DCBLD1: variants seen among roughly 807,000 people sequenced by gnomAD.
DCBLD1 encodes the protein discoidin, CUB and LCCL domain-containing protein 1.
Under a neutral mutation model 71.5 loss-of-function variants are expected in DCBLD1, and 57 were observed. That is an observed-to-expected ratio of 0.80 (90% confidence interval 0.64 to 0.99). The LOEUF is 0.99. Among genes scored for constraint, DCBLD1 ranks in the 50% least tolerant of loss-of-function variants. DCBLD1 has a pLI of 0.00. For missense variants in DCBLD1, 891 were observed against 923.5 expected, an observed-to-expected ratio of 0.96 and a Z score of 0.46; for synonymous variants, 380 against 363.8, an observed-to-expected ratio of 1.04 and a Z score of -0.51.
intron 14 of DCBLD1, among the ~76,000 whole-genome samples, chr6:117,556,842 C>T (rs190442800): frequency 5.9e-5 from 9 of 152,268 alleles, no homozygotes; most frequent in East Asian, 1.9e-4. Context: ...TTCCCACCAA[C>T]GGTGTAAGTG....
chr6:117,548,990 TCTC>T lies in DCBLD1; in HGVS notation c.*554_*556del, dbSNP rs1191253708. On this transcript the variant is annotated 3_prime_UTR_variant, in exon 15 of 15. Coordinates refer to ENST00000338728, the MANE Select transcript of DCBLD1 (RefSeq NM_001366458.2). ...GAACTGAAAGCATTTTTAACATTCT[TCTC>T]CTGGAAGAAATGAATTACTTGAAGC... The T allele has an allele frequency of 3.0e-6, 3 of 986,624 alleles. No individual in the cohort carries two copies. The highest frequency in any genetic ancestry group is 3.6e-6 in the Non-Finnish European group (3 of 830,804). 61.1% of individuals were successfully genotyped at this position (986,624 alleles called of 1,614,324 possible).
In DCBLD1 at chr6:117,521,067, T is replaced by C. The variant is rs377368933; in HGVS notation, c.461-458T>C. Among the ~76,000 whole-genome samples, 97 of 152,360 alleles carry C rather than the reference T, an allele frequency of 6.4e-4. 1 individual carries two copies. The highest frequency in any genetic ancestry group is 2.3e-3 in the African/African-American group (95 of 41,578). ...TCCTGGTTGATGAAAGCTTATATGC[T>C]GTAGGTTTTCTTGGTAAAGATGTGC... On this transcript the variant is annotated intron_variant, in intron 3 of 14. Transcript: ENST00000338728.
intron 2 of DCBLD1, 91 bp from the exon 3 acceptor site, chr6:117,519,725 A>G (rs532738120): frequency 4.9e-5 from 75 of 1,516,810 alleles, no homozygotes; most frequent in Non-Finnish European, 4.5e-6. Context: ...TTGTCTAGTA[A>G]ATTTGGCCTT....
intron 6 of DCBLD1, among the ~76,000 whole-genome samples, chr6:117,536,424 T>A (rs1778883177): frequency 6.6e-6 from 1 of 152,242 alleles, no homozygotes; most frequent in South Asian, 2.1e-4. Flanking sequence ...CAAAGGTAGA[T>A]AAGGACATTC....
chr6:117,511,190 C>T (rs118138580), intron 2 of DCBLD1, among the ~76,000 whole-genome samples: 2 of 152,188 alleles, frequency 1.3e-5, no homozygotes, highest in Middle Eastern at 3.4e-3. Flanking sequence ...AGTTCTTGTT[C>T]GTCACTTGCT....
chr6:117,544,373 T>A, intron 12 of DCBLD1, 155 bp from the exon 13 acceptor site: 1 of 547,746 alleles, frequency 1.8e-6, no homozygotes, highest in South Asian at 4.6e-5. Context: ...TCTACATATT[T>A]GTATGATTTT....
rs1271888312 is a variant in DCBLD1, at chr6:117,540,720, C to T, written c.1154C>T (p.Pro385Leu). ...FRDPVQNNFI[P>L]PIVARYVRVV... ...GACCCAGTGCAAAACAATTTCATCC[C>T]TCCCATCGTGGCCAGATATGTGCGG... Residue 385 changes from proline to leucine, a missense_variant, in exon 10 of 15, where the codon CCT becomes CTT. Physicochemically the swap from Pro to Leu is moderately conservative, Grantham distance 98. Coordinates refer to ENST00000338728, the MANE Select transcript of DCBLD1 (RefSeq NM_001366458.2). 1.2e-6 allele frequency: 2 copies of T among 1,614,088 alleles called. No individual in the cohort carries two copies. Among genetic ancestry groups the T allele is most frequent in the Non-Finnish European group, 1.7e-6 (2 of 1,180,048 alleles).
Position 117,538,470 on chromosome 6 carries a change from A to G in DCBLD1, c.761-150A>G, listed in dbSNP as rs1354920864. The G allele has an allele frequency of 5.7e-6, 4 of 704,010 alleles. No individual in the cohort carries two copies. In the African/African-American group the frequency reaches 7.2e-5, roughly 13 times the overall value. The allele number at this position is 704,010 out of a possible 1,614,324, so 43.6% of individuals were successfully genotyped here. On this transcript the variant is annotated intron_variant, in intron 7 of 14. Transcript: ENST00000338728. Reference sequence around the variant, plus strand: ...ACAAATGAGTGAAATGCAAGTCTGGACCGTTTAAAAGCTGGTAATTAAACA... The same window carrying G: ...ACAAATGAGTGAAATGCAAGTCTGGGCCGTTTAAAAGCTGGTAATTAAACA...
intron 6 of DCBLD1, among the ~76,000 whole-genome samples, chr6:117,533,137 T>G (rs9374667): frequency 6.6e-6 from 1 of 151,950 alleles, no homozygotes; most frequent in Non-Finnish European, 1.5e-5. Flanking sequence ...AAGTGCTCCT[T>G]GAGCCACTGT....
intron 9 of DCBLD1, chr6:117,540,465 T>A: frequency 1.8e-6 from 1 of 561,740 alleles, no homozygotes; most frequent in Admixed American, 3.1e-5. Context: ...TTTAAATCAG[T>A]AAACAGTTGA....
Position 117,548,131 on chromosome 6 carries a change from A to G in DCBLD1, c.1840A>G (p.Thr614Ala). The G allele has an allele frequency of 1.9e-6, 3 of 1,549,918 alleles. No individual in the cohort carries two copies. The South Asian group carries it at 3.6e-5, about 18-fold the overall frequency. Residue 614 changes from threonine (T) to alanine (A), a missense_variant, in exon 15 of 15, where the codon ACG (threonine) becomes GCG (alanine). Physicochemically the swap from Thr to Ala is moderately conservative, Grantham distance 58. Transcript: ENST00000338728. ...IVERHVLRAH[T>A]FSAQSGYRVP... ...GGAGCGGCACGTGCTGCGCGCCCAC[A>G]CGTTCTCTGCGCAGAGCGGCTACCG...
chr6:117,486,399 A>G (rs1280461801), intron 1 of DCBLD1, among the ~76,000 whole-genome samples: 1 of 152,370 alleles, frequency 6.6e-6, no homozygotes, highest in East Asian at 1.9e-4. Flanking sequence ...TATTAAAACA[A>G]ATCAATAAAT....
chr6:117,521,623 A>G (rs748345404), intron 4 of DCBLD1, 47 bp downstream of exon 4: 2 of 1,501,938 alleles, frequency 1.3e-6, no homozygotes, highest in African/African-American at 1.5e-5. Context: ...ATTGCTGAAC[A>G]TTTTGTTTTC....
intron 1 of DCBLD1, among the ~76,000 whole-genome samples, chr6:117,501,686 T>A (rs1469400906): frequency 6.6e-6 from 1 of 152,216 alleles, no homozygotes; most frequent in Admixed American, 6.5e-5. Context: ...TAAAGCCCTT[T>A]AAAGCCGACA....
At position 117,502,370 on chromosome 6, in the gene DCBLD1, G is replaced by A. The variant is rs151095631; in HGVS notation, c.113-1397G>A. Among the ~76,000 whole-genome samples the A allele has an allele frequency of 1.1e-4, 17 of 152,316 alleles. 1 individual carries two copies. The East Asian group carries it at 3.3e-3, about 29-fold the overall frequency. ...TCTGTCAGGGGCTGCCAGGAATCTC[G>A]TGGGAGTTTCTGGATAATGGGTAGA... is the stretch of plus-strand genomic sequence containing the variant. On this transcript the variant is annotated intron_variant, in intron 1 of 14. Coordinates refer to ENST00000338728, the MANE Select transcript of DCBLD1 (RefSeq NM_001366458.2).
chr6:117,567,382 A>G (rs1779720027), intron 14 of DCBLD1, among the ~76,000 whole-genome samples: 1 of 152,198 alleles, frequency 6.6e-6, no homozygotes, highest in African/African-American at 2.4e-5. Context: ...TGTACTGCAC[A>G]CAGCAATTCA....
intron 4 of DCBLD1, among the ~76,000 whole-genome samples, chr6:117,522,819 G>A (rs1284466012): frequency 6.6e-6 from 1 of 152,228 alleles, no homozygotes; most frequent in South Asian, 2.1e-4. Context: ...TGTCTGCAAG[G>A]AAGGTTCTGT....
chr6:117,504,334 G>A (rs185334188), intron 2 of DCBLD1, among the ~76,000 whole-genome samples: 9 of 152,320 alleles, frequency 5.9e-5, no homozygotes, highest in Non-Finnish European at 1.0e-4. Flanking sequence ...TACTCTGTCA[G>A]GAACTGGGAT....
At chr6:117,537,858 T>C (rs1388037797) in intron 7 of DCBLD1, among the ~76,000 whole-genome samples, 1 of 151,922 alleles carries the variant, frequency 6.6e-6, no homozygotes, top group Admixed American at 6.6e-5. Flanking sequence ...ATCTAAACTC[T>C]CAAACTTTTG....
Sources: gnomAD v4.1 joint callset for allele counts (sites outside exome capture counted in the v4.1 genomes callset) on GRCh38, gnomAD v4.1.1 for gene constraint, MANE v1.5 for transcripts, NCBI Gene and HGNC (gene_info 2026-07-23, HGNC 2026-07-21) for gene names.